The following CLVS1 variants were observed in gnomAD, a reference collection of about 807,000 sequenced individuals.
CLVS1 encodes the protein clavesin 1, also known as clavesin-1.
Under a neutral mutation model 33.1 loss-of-function variants are expected in CLVS1, and 10 were observed. The observed-to-expected ratio is 0.30, with a 90% CI of 0.19 to 0.51. The LOEUF (loss-of-function observed/expected upper bound fraction) is 0.51. Ranked by LOEUF, CLVS1 falls within the 20% of genes least tolerant of loss-of-function variation. CLVS1 has a pLI of 0.97. For synonymous variants in CLVS1, 163 were observed against 166.1 expected, an observed-to-expected ratio of 0.98 and a Z score of 0.14; for missense variants, 343 against 433.4, an observed-to-expected ratio of 0.79 and a Z score of 1.85.
chr8:61,260,584 G>A (rs895303884), intron 2 of CLVS1, among the ~76,000 whole-genome samples: 5 of 152,076 alleles, frequency 3.3e-5, no homozygotes, highest in Non-Finnish European at 7.4e-5. Flanking sequence ...TAAAATATTG[G>A]TTAATAGGAT....
intron 2 of CLVS1, among the ~76,000 whole-genome samples, chr8:61,159,590 G>A (rs1009853953): frequency 3.3e-5 from 5 of 152,174 alleles, no homozygotes; most frequent in South Asian, 2.1e-4. Flanking sequence ...AGCCTCCTGA[G>A]CTATCTAGTC....
In CLVS1 at chr8:61,405,644, A is replaced by C. The variant is rs74932377; in HGVS notation, c.630+28865A>C. Among the ~76,000 whole-genome samples, 1,086 of 152,234 alleles carry C rather than the reference A, an allele frequency of 7.1e-3. 12 individuals are homozygous for C. The highest frequency in any genetic ancestry group is 0.025 in the African/African-American group (1,047 of 41,526). On this transcript the variant is annotated intron_variant, in intron 3 of 5. Coordinates refer to ENST00000325897, the MANE Select transcript of CLVS1 (RefSeq NM_173519.3). ...AATAAAGATGGGTAGTCAAGGGCCA[A>C]AATTTAATAATGTTACTGTGTTTTA...
At chr8:61,247,935 T>G (rs769578255) in intron 2 of CLVS1, among the ~76,000 whole-genome samples, 4 of 152,226 alleles carry the variant, frequency 2.6e-5, no homozygotes, top group Admixed American at 6.5e-5. Context: ...CTGAAGTCTT[T>G]AATCCATCTT....
At chr8:61,229,878 T>G (rs1808396037) in intron 2 of CLVS1, among the ~76,000 whole-genome samples, 2 of 152,194 alleles carry the variant, frequency 1.3e-5, no homozygotes, top group South Asian at 4.1e-4. Context: ...CTGCCCACCT[T>G]GGCCTCCCAA....
chr8:61,052,723 GGC>G (rs1302188799), upstream of CLVS1, among the ~76,000 whole-genome samples: 1 of 152,182 alleles, frequency 6.6e-6, no homozygotes, highest in Non-Finnish European at 1.5e-5. Context: ...AAGAGCAGGT[GGC>G]GTGGGGCTCT....
intron 2 of CLVS1, among the ~76,000 whole-genome samples, chr8:61,225,095 T>C (rs1352312193): frequency 1.3e-5 from 2 of 152,106 alleles, no homozygotes; most frequent in African/African-American, 4.8e-5. Context: ...GGCGGGTGGA[T>C]CGCTTGAGTT....
chr8:61,375,067 T>G (rs1159918298), intron 2 of CLVS1, among the ~76,000 whole-genome samples: 6 of 152,238 alleles, frequency 3.9e-5, no homozygotes, highest in Non-Finnish European at 7.4e-5. Flanking sequence ...CATCCCTCCA[T>G]AAACTCTTCC....
At chr8:61,035,062 A>G in the CLVS1 span, among the ~76,000 whole-genome samples, 1 of 152,182 alleles carries the variant, frequency 6.6e-6, no homozygotes, top group Non-Finnish European at 1.5e-5. Flanking sequence ...AGCTTATCAT[A>G]TGTTTTTTGA....
chr8:61,095,415 G>A (rs767791334), intron 1 of CLVS1, among the ~76,000 whole-genome samples: 13 of 152,102 alleles, frequency 8.5e-5, no homozygotes, highest in Non-Finnish European at 1.9e-4. Context: ...TTTTCCAAAC[G>A]TTGAGACCAT....
At chr8:61,406,838 C>T (rs999666382) in intron 3 of CLVS1, among the ~76,000 whole-genome samples, 6 of 152,196 alleles carry the variant, frequency 3.9e-5, no homozygotes, top group East Asian at 1.9e-4. Flanking sequence ...CAAACTCCTG[C>T]GCTCAGGCAA....
At chr8:61,435,088 C>G (rs1039496166) in intron 3 of CLVS1, among the ~76,000 whole-genome samples, 53 of 152,116 alleles carry the variant, frequency 3.5e-4, no homozygotes, top group Admixed American at 3.5e-3. Context: ...TCCCTAGATC[C>G]CTTAGGTAGG....
intron 3 of CLVS1, among the ~76,000 whole-genome samples, chr8:61,437,152 C>T (rs1347964334): frequency 6.6e-6 from 1 of 152,166 alleles, no homozygotes; most frequent in Non-Finnish European, 1.5e-5. Context: ...TCATGCAGTT[C>T]TCCAACACTT....
upstream of CLVS1, among the ~76,000 whole-genome samples, chr8:61,053,486 G>A (rs1193812678): frequency 6.6e-6 from 1 of 152,206 alleles, no homozygotes; most frequent in African/African-American, 2.4e-5. Context: ...GGTCTAAAAC[G>A]ACAGTTGGGC....
At chr8:61,038,048 G>A in the CLVS1 span, among the ~76,000 whole-genome samples, 1 of 152,176 alleles carries the variant, frequency 6.6e-6, no homozygotes, top group Non-Finnish European at 1.5e-5. Context: ...AGAGTTCTGG[G>A]TAACACACCT....
the CLVS1 span, among the ~76,000 whole-genome samples, chr8:60,993,365 C>T: frequency 6.6e-6 from 1 of 152,230 alleles, no homozygotes; most frequent in Non-Finnish European, 1.5e-5. Flanking sequence ...GAATTTGGCT[C>T]TAGCACCGGG....
intron 2 of CLVS1, among the ~76,000 whole-genome samples, chr8:61,246,677 A>T (rs1273438600): frequency 6.6e-6 from 1 of 152,146 alleles, no homozygotes; most frequent in Non-Finnish European, 1.5e-5. Flanking sequence ...TCTTAAAAAA[A>T]TTCTTAATAA....
At chr8:61,454,825 T>G (rs555147989) in intron 4 of CLVS1, among the ~76,000 whole-genome samples, 23 of 152,300 alleles carry the variant, frequency 1.5e-4, no homozygotes, top group Admixed American at 8.5e-4. Context: ...TTCATGGCAT[T>G]TTGATGAGCT....
At chr8:61,074,852 A>T (rs1406249789) in intron 1 of CLVS1, among the ~76,000 whole-genome samples, 2 of 152,194 alleles carry the variant, frequency 1.3e-5, no homozygotes, top group African/African-American at 4.8e-5. Flanking sequence ...AAATGAATAC[A>T]TACCCTTGGA....
chr8:61,448,979 G>A (rs1217216964), intron 3 of CLVS1, among the ~76,000 whole-genome samples: 1 of 151,300 alleles, frequency 6.6e-6, no homozygotes, highest in African/African-American at 2.4e-5. Flanking sequence ...TTAAAATCTG[G>A]ACATTTCTGT....
Sources: gnomAD v4.1 joint callset for allele counts (sites outside exome capture counted in the v4.1 genomes callset) on GRCh38, gnomAD v4.1.1 for gene constraint, MANE v1.5 for transcripts, NCBI Gene and HGNC (gene_info 2026-07-23, HGNC 2026-07-21) for gene names.